GALNT13: variants seen among roughly 807,000 people sequenced by gnomAD.
The protein encoded by GALNT13 is UDP-GalNAc:polypeptide N-acetylgalactosaminyltransferase 13.
A neutral mutation model predicts 64.2 loss-of-function variants in GALNT13; 28 were observed. The ratio of observed to expected loss-of-function variants is 0.44; its 90% CI spans 0.32 to 0.60. The LOEUF (loss-of-function observed/expected upper bound fraction) is 0.60. Ranked by LOEUF, GALNT13 falls within the 20% of genes least tolerant of loss-of-function variation. GALNT13 has a pLI of 0.05. For missense variants in GALNT13, 577 were observed against 669.8 expected (o/e 0.86, Z 1.53); for synonymous variants, 214 against 224.6 (o/e 0.95, Z 0.42).
the GALNT13 span, among the ~76,000 whole-genome samples, chr2:153,533,868 T>C: frequency 2.0e-5 from 3 of 151,660 alleles, no homozygotes; most frequent in Non-Finnish European, 2.9e-5. Context: ...GTATTTCTTT[T>C]TGTTTCTTAG....
the GALNT13 span, among the ~76,000 whole-genome samples, chr2:153,807,242 CAT>C: frequency 6.3e-4 from 95 of 150,774 alleles, no homozygotes; most frequent in East Asian, 0.014. Context: ...GATAGATAGA[CAT>C]ATATATATAT....
chr2:153,997,503 T>A (rs1270279873), intron 3 of GALNT13, among the ~76,000 whole-genome samples: 1 of 151,974 alleles, frequency 6.6e-6, no homozygotes, highest in Admixed American at 6.6e-5. Context: ...AAAATGCTTC[T>A]AGATTTTCTG....
At chr2:154,014,288 T>G (rs1412263554) in intron 3 of GALNT13, among the ~76,000 whole-genome samples, 1 of 152,100 alleles carries the variant, frequency 6.6e-6, no homozygotes, top group Non-Finnish European at 1.5e-5. Flanking sequence ...TCAAGTGGTT[T>G]GTGGGGGTCC....
intron 4 of GALNT13, among the ~76,000 whole-genome samples, chr2:154,238,368 A>G (rs1011017691): frequency 6.6e-6 from 1 of 152,056 alleles, no homozygotes; most frequent in Admixed American, 6.5e-5. Flanking sequence ...ATCTAAGTCC[A>G]AATTCATTTA....
chr2:153,228,279 AG>A, the GALNT13 span, among the ~76,000 whole-genome samples: 1 of 152,188 alleles, frequency 6.6e-6, no homozygotes, highest in African/African-American at 2.4e-5. Context: ...GATTGAAGAA[AG>A]TCATATCTTA....
At chr2:153,859,834 G>A in the GALNT13 span, among the ~76,000 whole-genome samples, 32 of 152,216 alleles carry the variant, frequency 2.1e-4, no homozygotes, top group South Asian at 6.4e-3. Flanking sequence ...ACAAAGACTT[G>A]TAGTAAATAC....
the GALNT13 span, among the ~76,000 whole-genome samples, chr2:153,720,820 C>G: frequency 2.0e-5 from 3 of 149,104 alleles, no homozygotes; most frequent in Non-Finnish European, 4.5e-5. Context: ...GTGAAAAGAC[C>G]AAATCTACGT....
the GALNT13 span, among the ~76,000 whole-genome samples, chr2:153,666,430 C>T: frequency 6.6e-6 from 1 of 152,146 alleles, no homozygotes; most frequent in Admixed American, 6.5e-5. Context: ...AGTGCCATTG[C>T]CCCAAGAAGT....
chr2:154,388,974 A>G (rs1444212637), intron 9 of GALNT13, among the ~76,000 whole-genome samples: 1 of 152,186 alleles, frequency 6.6e-6, no homozygotes, highest in African/African-American at 2.4e-5. Context: ...ATTATTTCAT[A>G]TATTTTAATT....
chr2:153,759,217 CAT>C, the GALNT13 span, among the ~76,000 whole-genome samples: 12 of 152,058 alleles, frequency 7.9e-5, no homozygotes, highest in Non-Finnish European at 1.6e-4. Context: ...TTTAGGTTTT[CAT>C]ACATAAGATC....
chr2:153,659,450 A>G, the GALNT13 span, among the ~76,000 whole-genome samples: 1 of 152,132 alleles, frequency 6.6e-6, no homozygotes, highest in East Asian at 1.9e-4. Context: ...CTCTGTTCAT[A>G]TCTTTGCCTA....
intron 3 of GALNT13, among the ~76,000 whole-genome samples, chr2:153,980,470 C>A (rs796703483): frequency 3.3e-5 from 5 of 152,004 alleles, no homozygotes; most frequent in African/African-American, 9.6e-5. Context: ...TAGACTGAAT[C>A]AAGAAAGAAA....
At chr2:153,926,776 A>G (rs957126427) in intron 2 of GALNT13, among the ~76,000 whole-genome samples, 2 of 152,134 alleles carry the variant, frequency 1.3e-5, no homozygotes, top group South Asian at 2.1e-4. Context: ...CAAATATCAG[A>G]TGAGTCAGAA....
At chr2:153,689,700 A>G in the GALNT13 span, among the ~76,000 whole-genome samples, 111,639 of 151,900 alleles carry the variant, frequency 0.73, 41,887 homozygotes, top group Middle Eastern at 0.82. Context: ...CAGCGATCAT[A>G]CTTAATGTTT....
At chr2:153,260,096 C>G in the GALNT13 span, among the ~76,000 whole-genome samples, 9 of 152,224 alleles carry the variant, frequency 5.9e-5, no homozygotes, top group Admixed American at 2.0e-4. Context: ...TAATACAACT[C>G]TAAGTTTAGC....
At chr2:154,001,943 A>G (rs1695937254) in intron 3 of GALNT13, among the ~76,000 whole-genome samples, 1 of 151,956 alleles carries the variant, frequency 6.6e-6, no homozygotes, top group African/African-American at 2.4e-5. Flanking sequence ...TTCTTTGTTG[A>G]AAGGTTTTTT....
intron 2 of GALNT13, among the ~76,000 whole-genome samples, chr2:153,942,512 A>G (rs1388427885): frequency 6.6e-6 from 1 of 152,180 alleles, no homozygotes; most frequent in Non-Finnish European, 1.5e-5. Context: ...AACAGGAAAT[A>G]AATATGGGAT....
chr2:154,334,324 A>G (rs1057249751), intron 9 of GALNT13, among the ~76,000 whole-genome samples: 1 of 152,016 alleles, frequency 6.6e-6, no homozygotes, highest in African/African-American at 2.4e-5. Context: ...ATAGCATTCG[A>G]CACCCTGTAA....
intron 8 of GALNT13, among the ~76,000 whole-genome samples, chr2:154,267,000 G>A (rs1691042335): frequency 1.3e-5 from 2 of 151,890 alleles, no homozygotes; most frequent in Non-Finnish European, 2.9e-5. Flanking sequence ...TTAACATAAA[G>A]ACAGACAAAG....
Sources: allele counts gnomAD v4.1 joint callset (sites outside exome capture counted in the v4.1 genomes callset), GRCh38; gene constraint gnomAD v4.1.1; transcripts MANE v1.5; gene names NCBI Gene and HGNC (gene_info 2026-07-23, HGNC 2026-07-21).